CHD7: variants seen among roughly 807,000 people sequenced by gnomAD.
The protein encoded by CHD7 is chromodomain helicase DNA binding protein 7.
A neutral mutation model predicts 307.3 loss-of-function variants in CHD7; 24 were observed. The ratio of observed to expected loss-of-function variants is 0.08; its 90% CI spans 0.06 to 0.11. The LOEUF (loss-of-function observed/expected upper bound fraction) is 0.11. Among genes scored for constraint, CHD7 ranks in the 10% least tolerant of loss-of-function variants. CHD7 has a pLI of 1.00. For synonymous variants in CHD7, 1,363 were observed against 1,349.9 expected (o/e 1.01, Z -0.21); for missense variants, 3,106 against 3,727.1 (o/e 0.83, Z 4.34).
chr8:60,731,218 T>TAAAG (rs57640309), intron 1 of CHD7, among the ~76,000 whole-genome samples: 149,208 of 152,214 alleles, frequency 0.98, 73,132 homozygotes, highest in Middle Eastern at 1. Context: ...TAAAAGCTCA[T>TAAAG]AAAGAAAAAA....
At chr8:60,781,944 T>C (rs1811257461) in intron 3 of CHD7, among the ~76,000 whole-genome samples, 1 of 152,190 alleles carries the variant, frequency 6.6e-6, no homozygotes, top group African/African-American at 2.4e-5. Flanking sequence ...AAATAGTACT[T>C]GTCCATTGGA....
intron 6 of CHD7, among the ~76,000 whole-genome samples, chr8:60,804,841 T>G (rs1398170557): frequency 6.6e-6 from 1 of 152,236 alleles, no homozygotes; most frequent in Non-Finnish European, 1.5e-5. Context: ...CTGGTTTGTT[T>G]GAACAGTGGG....
chr8:60,845,172 C>T (rs962061332), intron 22 of CHD7, 78 bp from the exon 23 acceptor site: 38 of 1,569,462 alleles, frequency 2.4e-5, no homozygotes, highest in South Asian at 4.7e-5. Flanking sequence ...TTCCCTGCCT[C>T]GTGCATTAAG....
At chr8:60,858,555 A>G (rs556143312) in intron 34 of CHD7, among the ~76,000 whole-genome samples, 1 of 152,222 alleles carries the variant, frequency 6.6e-6, no homozygotes, top group Non-Finnish European at 1.5e-5. Context: ...TCTGCAGCTG[A>G]CACTTCTTTT....
intron 1 of CHD7, among the ~76,000 whole-genome samples, chr8:60,684,153 A>G (rs949049710): frequency 2.6e-5 from 4 of 152,192 alleles, no homozygotes; most frequent in African/African-American, 9.7e-5. Context: ...GTAAAAAATA[A>G]CGTAGGTATT....
chr8:60,694,825 A>G (rs562949283), intron 1 of CHD7, among the ~76,000 whole-genome samples: 98 of 152,210 alleles, frequency 6.4e-4, no homozygotes, highest in Non-Finnish European at 1.3e-3. Context: ...TTGGATAGAT[A>G]GGGAGAGGTT....
At chr8:60,821,981 G>A in intron 10 of CHD7, 43 bp from the exon 11 acceptor site, 1 of 1,613,394 alleles carries the variant, frequency 6.2e-7, no homozygotes, top group Non-Finnish European at 8.5e-7. Context: ...TAGTGGTGTG[G>A]TCTTTGGGAA....
Position 60,835,959 on chromosome 8 carries a change from A to G in CHD7, c.3779-114A>G, listed in dbSNP as rs971785118. 3 of 710,180 alleles carry G rather than the reference A, an allele frequency of 4.2e-6. No homozygotes were observed. The African/African-American group carries it at 5.3e-5, about 13-fold the overall frequency. The allele number at this position is 710,180 out of a possible 1,614,324, so 44.0% of individuals were successfully genotyped here. A position where few individuals can be genotyped will look rare whatever the true frequency, so the allele number is the denominator to read the frequency against. On this transcript the variant is annotated intron_variant, in intron 15 of 37. Transcript: ENST00000423902. ...AGTGGATGGATTCTTGTTCATAAGC[A>G]GGAGTTTGGTGTTCTGGTTCCTACA...
intron 1 of CHD7, among the ~76,000 whole-genome samples, chr8:60,722,017 A>G (rs887144371): frequency 3.9e-5 from 6 of 152,226 alleles, no homozygotes; most frequent in Non-Finnish European, 8.8e-5. Flanking sequence ...GGACAAATGA[A>G]ATGCTGAAGT....
chr8:60,723,518 C>T (rs1808014558), intron 1 of CHD7, among the ~76,000 whole-genome samples: 1 of 152,184 alleles, frequency 6.6e-6, no homozygotes, highest in Non-Finnish European at 1.5e-5. Flanking sequence ...GAGAACACAT[C>T]TCTGTATAGA....
intron 21 of CHD7, among the ~76,000 whole-genome samples, chr8:60,843,254 C>G (rs1408736096): frequency 1.3e-5 from 2 of 152,202 alleles, no homozygotes; most frequent in African/African-American, 4.8e-5. Flanking sequence ...TGGACATCCT[C>G]TCTTGTCTCT....
chr8:60,743,996 G>T (rs1250632533), intron 2 of CHD7, among the ~76,000 whole-genome samples: 1 of 152,158 alleles, frequency 6.6e-6, no homozygotes, highest in Non-Finnish European at 1.5e-5. Context: ...TCAATTTTGG[G>T]GAAATAAGAC....
chr8:60,740,112 A>G (rs1427471796), intron 1 of CHD7, among the ~76,000 whole-genome samples: 1 of 152,226 alleles, frequency 6.6e-6, no homozygotes, highest in Admixed American at 6.5e-5. Flanking sequence ...AGTTATTTTA[A>G]TCTGACACAG....
At chr8:60,809,436 T>G (rs1421891703) in intron 7 of CHD7, 1 of 152,036 alleles carries the variant, frequency 6.6e-6, no homozygotes, top group Non-Finnish European at 1.5e-5. Flanking sequence ...CCCTTGTAGA[T>G]TTACCAAATT....
rs1016649797 is a variant in CHD7 at position 60,680,098 on chromosome 8, C to G, written c.-175+1016C>G. Among the ~76,000 whole-genome samples, 9 of 151,714 alleles carry G rather than the reference C, an allele frequency of 5.9e-5. No homozygotes were observed. In the South Asian group the frequency reaches 1.5e-3, roughly 25 times the overall value. ...TTTAACCTTCCAACGCAACTCGGCT[C>G]CCCCGCCCCCCAACCCGCCGGGGGT... On this transcript the variant is annotated intron_variant, in intron 1 of 37. Transcript: ENST00000423902.
chr8:60,853,873 T>C (rs933867984), intron 31 of CHD7, among the ~76,000 whole-genome samples: 2 of 152,214 alleles, frequency 1.3e-5, no homozygotes, highest in African/African-American at 4.8e-5. Flanking sequence ...TTGAAACAAC[T>C]GGTGCTTGTT....
chr8:60,819,195 C>T (rs543924248), intron 8 of CHD7, among the ~76,000 whole-genome samples: 11 of 152,214 alleles, frequency 7.2e-5, no homozygotes, highest in Non-Finnish European at 1.5e-4. Context: ...CCTCGTGATC[C>T]GCCTGCCTTG....
chr8:60,854,993 A>T (rs1805637096), intron 32 of CHD7: 1 of 152,308 alleles, frequency 6.6e-6, no homozygotes, highest in Non-Finnish European at 1.5e-5. Flanking sequence ...AAATGTAGTT[A>T]TCTGTAACCA....
intron 2 of CHD7, among the ~76,000 whole-genome samples, chr8:60,769,183 T>C (rs1810602861): frequency 6.6e-6 from 1 of 152,252 alleles, no homozygotes; most frequent in South Asian, 2.1e-4. Context: ...CTAAGGCTGC[T>C]GAATAGATGC....
Sources: gnomAD v4.1 joint callset for allele counts (sites outside exome capture counted in the v4.1 genomes callset) on GRCh38, gnomAD v4.1.1 for gene constraint, MANE v1.5 for transcripts, NCBI Gene and HGNC (gene_info 2026-07-23, HGNC 2026-07-21) for gene names.